The following ADGRG2 variants were observed in gnomAD, a reference collection of about 807,000 sequenced individuals.
The protein encoded by ADGRG2 is adhesion G protein-coupled receptor G2, also known as G protein-coupled receptor 64.
ADGRG2 carries 26 observed loss-of-function variants against 74.1 expected under a neutral mutation model. That is an observed-to-expected ratio of 0.35 (90% CI 0.26 to 0.49). The LOEUF is 0.49. Among genes scored for constraint, ADGRG2 ranks in the 20% least tolerant of loss-of-function variants. ADGRG2 has a pLI of 0.99. For synonymous variants in ADGRG2, 296 were observed against 295.2 expected (o/e 1.00, Z -0.03); for missense variants, 619 against 763.1 (o/e 0.81, Z 2.22).
intron 1 of ADGRG2, among the ~76,000 whole-genome samples, chrX:19,121,925 G>C (rs2062616164): frequency 9.0e-6 from 1 of 111,600 alleles, no homozygotes; most frequent in Admixed American, 9.3e-5. Flanking sequence ...CCGGGCCGCC[G>C]CTCCGTCCCT....
At chrX:19,101,643 G>A (rs1447187001) in intron 1 of ADGRG2, among the ~76,000 whole-genome samples, 1 of 109,989 alleles carries the variant, frequency 9.1e-6, no homozygotes, top group Non-Finnish European at 1.9e-5. Flanking sequence ...CAAGGCTGCA[G>A]TGAGCTGGGA....
At position 19,105,927 on chromosome X, in the gene ADGRG2, CAAAAAAAAA is replaced by C. The variant is rs748026875; in HGVS notation, c.-47+16506_-47+16514del. Among the ~76,000 whole-genome samples, 151 of 29,992 alleles carry C rather than the reference CAAAAAAAAA, an allele frequency of 5.0e-3. 1 individual carries two copies. Among genetic ancestry groups the C allele is most frequent in the African/African-American group, 0.017 (133 of 7,815 alleles). 26.0% of individuals were successfully genotyped at this position (29,992 alleles called of 115,157 possible). On this transcript the variant is annotated intron_variant, in intron 1 of 28. Coordinates refer to ENST00000379869, the MANE Select transcript of ADGRG2 (RefSeq NM_001079858.3). ...TAAGCGACAGAGCGAGACTCTGTCT[CAAAAAAAAA>C]AAAAAAAAAAAAAAGAAGAAGAAGA...
At chrX:19,064,265 G>A (rs1023649428) in intron 3 of ADGRG2, among the ~76,000 whole-genome samples, 5 of 112,364 alleles carry the variant, frequency 4.4e-5, no homozygotes, top group Non-Finnish European at 7.5e-5. Flanking sequence ...GCTTAGCATC[G>A]AATTAGACTA....
Position 19,031,301 on chromosome X carries a change from C to T in ADGRG2, c.305-264G>A, listed in dbSNP as rs919697911. On this transcript the variant is annotated intron_variant, in intron 8 of 28. Transcript: ENST00000379869. ...AACTCCTCCCTAAAATTTTTGACCCCTTCCCAATTAATCCCTCTCCTGTTC... is the reference window on the plus strand; with the variant it reads ...AACTCCTCCCTAAAATTTTTGACCCTTTCCCAATTAATCCCTCTCCTGTTC... The T allele has an allele frequency of 2.9e-5, 10 of 343,048 alleles. No individual in the cohort carries two copies. In the South Asian group the frequency reaches 4.3e-4, roughly 15 times the overall value. 28.3% of individuals were successfully genotyped at this position (343,048 alleles called of 1,213,427 possible).
intron 1 of ADGRG2, among the ~76,000 whole-genome samples, chrX:19,115,136 A>G (rs1162238076): frequency 8.9e-6 from 1 of 111,852 alleles, no homozygotes; most frequent in East Asian, 2.8e-4. Flanking sequence ...CGCTTAACCT[A>G]AAGAAATTTC....
At chrX:19,037,964 G>A (rs1361586670) in intron 4 of ADGRG2, among the ~76,000 whole-genome samples, 7 of 112,122 alleles carry the variant, frequency 6.2e-5, no homozygotes, top group Non-Finnish European at 1.3e-4. Flanking sequence ...GAGCATTCTA[G>A]AAAACATTTT....
chrX:19,088,706 G>A (rs767802656), intron 1 of ADGRG2, among the ~76,000 whole-genome samples: 3 of 111,154 alleles, frequency 2.7e-5, no homozygotes, highest in Non-Finnish European at 5.7e-5. Flanking sequence ...CTGGGGTCAA[G>A]CAATCCTTCT....
At chrX:18,991,121 A>G (rs1271269478) in intron 28 of ADGRG2, 73 bp from the exon 29 acceptor site, 7 of 514,446 alleles carry the variant, frequency 1.4e-5, no homozygotes. Flanking sequence ...AAACTTAGAC[A>G]TTGCTTTATT....
chrX:19,019,123 G>A (rs894776910), intron 15 of ADGRG2, among the ~76,000 whole-genome samples: 1 of 112,388 alleles, frequency 8.9e-6, no homozygotes, highest in Non-Finnish European at 1.9e-5. Context: ...GGGATTACAG[G>A]CGTAAGCCAC....
chrX:19,090,158 G>C (rs1272348566), intron 1 of ADGRG2, among the ~76,000 whole-genome samples: 1 of 111,531 alleles, frequency 9.0e-6, no homozygotes, highest in Admixed American at 9.6e-5. Flanking sequence ...CACTCCCTCT[G>C]GAACCCACAT....
In ADGRG2 at chrX:19,073,953, G is replaced by A. The variant is rs768658105; in HGVS notation, c.-1-5118C>T. Among the ~76,000 whole-genome samples the A allele has an allele frequency of 3.6e-5, 4 of 112,128 alleles. No individual in the cohort carries two copies. In the East Asian group the frequency reaches 1.1e-3, roughly 31 times the overall value. On this transcript the variant is annotated intron_variant, in intron 2 of 28. Transcript: ENST00000379869. ...GAAATGTAAAAAGAGAAGGACTGCA[G>A]GGGTTCTCAGTGTGGATAAAGTGAG...
At chrX:19,040,906 G>A (rs1246797238) in intron 3 of ADGRG2, among the ~76,000 whole-genome samples, 1 of 111,077 alleles carries the variant, frequency 9.0e-6, no homozygotes, top group Non-Finnish European at 1.9e-5. Context: ...AGAGAAAAAT[G>A]ACATTAACAT....
chrX:19,000,892 A>G (rs761307446), intron 24 of ADGRG2, among the ~76,000 whole-genome samples: 3 of 108,591 alleles, frequency 2.8e-5, no homozygotes, highest in African/African-American at 1.0e-4. Flanking sequence ...GCACCACCAC[A>G]CCTGGCTAAT....
chrX:19,025,688 G>C (rs887581657), intron 11 of ADGRG2, among the ~76,000 whole-genome samples: 1 of 111,106 alleles, frequency 9.0e-6, no homozygotes, highest in African/African-American at 3.3e-5. Context: ...TTGAGGTCAA[G>C]AGTTTGAGAC....
At chrX:19,009,137 G>T (rs1187436284) in intron 18 of ADGRG2, among the ~76,000 whole-genome samples, 1 of 109,920 alleles carries the variant, frequency 9.1e-6, no homozygotes. Context: ...AACGCAAGGT[G>T]TAAGGGGGAC....
rs755855194 is a variant in ADGRG2, at chrX:18,990,850, T to G, written c.*14A>C. 4 of 1,154,094 alleles carry G rather than the reference T, an allele frequency of 3.5e-6. No individual in the cohort carries two copies. The highest frequency in any genetic ancestry group is 2.0e-5 in the South Asian group (1 of 50,619). ...CACTGTCAAGCATCATGCTTTGATT[T>G]TAGAAGAAAGGAATCACATTTGCTC... On this transcript the variant is annotated 3_prime_UTR_variant, in exon 29 of 29. Transcript: ENST00000379869.
At chrX:19,029,557 A>T (rs1307953967) in intron 9 of ADGRG2, among the ~76,000 whole-genome samples, 1 of 105,408 alleles carries the variant, frequency 9.5e-6, no homozygotes, top group Non-Finnish European at 1.9e-5. Flanking sequence ...GCAGGGTACC[A>T]TGGGGTTTCT....
At chrX:19,118,521 G>C (rs2062562834) in intron 1 of ADGRG2, among the ~76,000 whole-genome samples, 1 of 111,846 alleles carries the variant, frequency 8.9e-6, no homozygotes, top group Non-Finnish European at 1.9e-5. Context: ...GAGTAGCAAG[G>C]ACTACAGGTG....
rs961180468 is a variant in ADGRG2 at position 19,053,424 on chromosome X, C to T, written c.119-13200G>A. Reference sequence around the variant, plus strand: ...ATCGGCCTGCCAGCAGTTAATCTATCGAACTCCCATAGTCCACGTGACCCT... The same window carrying T: ...ATCGGCCTGCCAGCAGTTAATCTATTGAACTCCCATAGTCCACGTGACCCT... On this transcript the variant is annotated intron_variant, in intron 3 of 28. Transcript: ENST00000379869. Among the ~76,000 whole-genome samples the T allele has an allele frequency of 5.4e-5, 6 of 111,103 alleles. No individual in the cohort carries two copies. The East Asian group carries it at 1.4e-3, about 27-fold the overall frequency.
Sources: allele counts gnomAD v4.1 joint callset (sites outside exome capture counted in the v4.1 genomes callset), GRCh38; gene constraint gnomAD v4.1.1; transcripts MANE v1.5; gene names NCBI Gene and HGNC (gene_info 2026-07-23, HGNC 2026-07-21).